FAAH2: variants seen among roughly 807,000 people sequenced by gnomAD.
FAAH2 encodes fatty-acid amide hydrolase 2.
Under a neutral mutation model 36.9 loss-of-function variants are expected in FAAH2, and 60 were observed. The observed-to-expected ratio is 1.63, with a 90% CI of 1.32 to 2.02. The LOEUF (loss-of-function observed/expected upper bound fraction) is 2.02, where lower values mean the gene tolerates loss of function less well. Ranked by LOEUF, FAAH2 falls within the 30% of genes most tolerant of loss-of-function variation. The pLI is 0.00. For missense variants in FAAH2, 689 were observed against 397.5 expected, an observed-to-expected ratio of 1.73 and a Z score of -6.23; for synonymous variants, 214 against 143.8, an observed-to-expected ratio of 1.49 and a Z score of -3.49.
At chrX:57,150,466 T>C in the FAAH2 span, among the ~76,000 whole-genome samples, 5 of 112,388 alleles carry the variant, frequency 4.4e-5, no homozygotes, top group African/African-American at 1.6e-4. Context: ...CATATGTATT[T>C]AGGATAGTTA....
chrX:57,296,047 G>A (rs939872719), intron 2 of FAAH2, among the ~76,000 whole-genome samples: 4 of 112,454 alleles, frequency 3.6e-5, no homozygotes, highest in Non-Finnish European at 5.6e-5. Context: ...ACAAACAAAA[G>A]ACAGCAATAA....
the FAAH2 span, among the ~76,000 whole-genome samples, chrX:57,166,307 G>T: frequency 1.8e-5 from 2 of 111,745 alleles, no homozygotes; most frequent in African/African-American, 3.3e-5. Context: ...AAGAACCTGG[G>T]ATACAGAAAT....
At chrX:57,299,539 C>G (rs1209255811) in intron 2 of FAAH2, among the ~76,000 whole-genome samples, 6 of 111,389 alleles carry the variant, frequency 5.4e-5, no homozygotes, top group African/African-American at 9.8e-5. Context: ...CCTTTGAAAA[C>G]TGGCACAAGA....
chrX:57,466,154 C>CTATATATATATATATATATATATATA (rs1371319859), intron 10 of FAAH2, among the ~76,000 whole-genome samples: 1 of 66,915 alleles, frequency 1.5e-5, no homozygotes. Context: ...CTCTCTCTCT[C>CTATATATATATATATATATATATATA]TCTATATATA....
the FAAH2 span, among the ~76,000 whole-genome samples, chrX:57,198,386 C>A: frequency 8.9e-6 from 1 of 111,770 alleles, no homozygotes; most frequent in Non-Finnish European, 1.9e-5. Context: ...CACCCAACTC[C>A]CATTCAGTCA....
intron 5 of FAAH2, among the ~76,000 whole-genome samples, chrX:57,364,346 G>A (rs1207113722): frequency 9.3e-6 from 1 of 107,768 alleles, no homozygotes; most frequent in Non-Finnish European, 1.9e-5. Context: ...GTGCAGAGAG[G>A]TGTTTGTAAT....
chrX:57,171,995 T>A, the FAAH2 span, among the ~76,000 whole-genome samples: 1 of 112,123 alleles, frequency 8.9e-6, no homozygotes, highest in Non-Finnish European at 1.9e-5. Context: ...CTAGCACATT[T>A]ATAGAATAGT....
At chrX:57,159,067 G>A in the FAAH2 span, among the ~76,000 whole-genome samples, 2 of 112,272 alleles carry the variant, frequency 1.8e-5, no homozygotes, top group Admixed American at 9.4e-5. Flanking sequence ...TGGCTAGCCA[G>A]TTTTCACAGT....
At chrX:57,213,956 T>C in the FAAH2 span, among the ~76,000 whole-genome samples, 1 of 111,971 alleles carries the variant, frequency 8.9e-6, no homozygotes, top group African/African-American at 3.2e-5. Context: ...TTGTCTATAT[T>C]TTTAGATATG....
chrX:57,124,769 G>T, the FAAH2 span, among the ~76,000 whole-genome samples: 1 of 111,659 alleles, frequency 9.0e-6, no homozygotes, highest in Non-Finnish European at 1.9e-5. Context: ...TGAAGCAGTT[G>T]TGAATGAGAG....
the FAAH2 span, among the ~76,000 whole-genome samples, chrX:57,248,060 T>C: frequency 8.9e-6 from 1 of 112,168 alleles, no homozygotes; most frequent in Non-Finnish European, 1.9e-5. Flanking sequence ...CCAAATAAAG[T>C]ATCTAGCTAG....
intron 3 of FAAH2, among the ~76,000 whole-genome samples, chrX:57,326,296 T>G (rs1178551235): frequency 3.9e-4 from 44 of 111,954 alleles, no homozygotes; most frequent in African/African-American, 1.4e-3. Context: ...AATGTGGTGC[T>G]GAGAAGAATG....
chrX:57,389,560 A>G (rs1261383525), intron 7 of FAAH2, among the ~76,000 whole-genome samples: 1 of 109,673 alleles, frequency 9.1e-6, no homozygotes, highest in Non-Finnish European at 1.9e-5. Context: ...AATTTTCTAT[A>G]CTTTTAAGGC....
intron 6 of FAAH2, among the ~76,000 whole-genome samples, chrX:57,380,001 T>C (rs2054798518): frequency 9.0e-6 from 1 of 110,783 alleles, no homozygotes; most frequent in East Asian, 2.8e-4. Context: ...CTAACAGGTG[T>C]ATATATTTTT....
intron 7 of FAAH2, among the ~76,000 whole-genome samples, chrX:57,383,282 C>G (rs2054909024): frequency 8.9e-6 from 1 of 112,044 alleles, no homozygotes; most frequent in Non-Finnish European, 1.9e-5. Context: ...GCGATGCTGT[C>G]TCTCACCACT....
chrX:57,309,725 A>T (rs748168955), intron 2 of FAAH2, among the ~76,000 whole-genome samples: 5 of 111,094 alleles, frequency 4.5e-5, no homozygotes, highest in African/African-American at 1.6e-4. Flanking sequence ...CTATTCCTGC[A>T]TTAGTTTGCT....
the FAAH2 span, among the ~76,000 whole-genome samples, chrX:57,128,580 T>C: frequency 1.8e-5 from 2 of 111,251 alleles, no homozygotes; most frequent in African/African-American, 6.5e-5. Flanking sequence ...AGAAAATTAG[T>C]AGACTATATA....
chrX:57,228,266 G>T, the FAAH2 span, among the ~76,000 whole-genome samples: 2 of 111,213 alleles, frequency 1.8e-5, no homozygotes, highest in African/African-American at 3.3e-5. Context: ...GATCCCTGTG[G>T]TGCCAGGCAG....
In FAAH2 at chrX:57,397,561, AT is replaced by A. The variant is rs1177698731; in HGVS notation, c.996+16542del. ...GCAGGATATAAAATTCTTTACTGGC[AT>A]TTTTTTTTTCTTCACAGAGGCTAAA... On this transcript the variant is annotated intron_variant, in intron 7 of 10. Coordinates refer to ENST00000374900, the MANE Select transcript of FAAH2 (RefSeq NM_174912.4). Among the ~76,000 whole-genome samples, 6 of 106,746 alleles carry A rather than the reference AT, an allele frequency of 5.6e-5. No individual in the cohort carries two copies. In the South Asian group the frequency reaches 1.2e-3, roughly 22 times the overall value. The allele number at this position is 106,746 out of a possible 115,157, so 92.7% of individuals were successfully genotyped here.
Sources: allele counts gnomAD v4.1 joint callset (sites outside exome capture counted in the v4.1 genomes callset), GRCh38; gene constraint gnomAD v4.1.1; transcripts MANE v1.5; gene names NCBI Gene and HGNC (gene_info 2026-07-23, HGNC 2026-07-21).